The following ADAMTSL3 variants were observed in gnomAD, a reference collection of about 807,000 sequenced individuals.
ADAMTSL3 encodes the protein ADAMTS like 3, also known as ADAMTS-like protein 3.
In ADAMTSL3, 128 loss-of-function variants were observed where a neutral mutation model predicts 201.7. The ratio of observed to expected loss-of-function variants is 0.63; its 90% CI spans 0.55 to 0.73. The LOEUF is 0.73. ADAMTSL3 is among the 30% of genes least tolerant of loss of function. The pLI is 0.00. For synonymous variants in ADAMTSL3, 738 were observed against 748.4 expected (o/e 0.99, Z 0.23); for missense variants, 1,990 against 2,119.6 (o/e 0.94, Z 1.20).
chr15:83,870,459 T>A (rs974269885), intron 8 of ADAMTSL3, among the ~76,000 whole-genome samples: 6 of 152,204 alleles, frequency 3.9e-5, no homozygotes, highest in African/African-American at 1.4e-4. Context: ...TAAGATCTTT[T>A]GAACAAGTAA....
Position 83,816,236 on chromosome 15 carries a change from C to T in ADAMTSL3, c.364-3575C>T, listed in dbSNP as rs150096516. 8.1e-3 allele frequency among the ~76,000 whole-genome samples: 1,234 copies of T among 152,292 alleles called. 18 individuals carry two copies. Among genetic ancestry groups the T allele is most frequent in the African/African-American group, 0.028 (1,159 of 41,560 alleles). On this transcript the variant is annotated intron_variant, in intron 5 of 29. Transcript: ENST00000286744. ...AACATGAATCTTATAAAAGAAATGG[C>T]CAGTCCAACCCCAGATTGATATGAG...
At chr15:83,906,177 C>T (rs1222316835) in intron 15 of ADAMTSL3, among the ~76,000 whole-genome samples, 2 of 152,178 alleles carry the variant, frequency 1.3e-5, no homozygotes, top group Non-Finnish European at 2.9e-5. Context: ...TGCAAGTACT[C>T]TGTAATTGTT....
At chr15:84,030,280 G>A (rs2068379889) in intron 27 of ADAMTSL3, among the ~76,000 whole-genome samples, 2 of 152,188 alleles carry the variant, frequency 1.3e-5, no homozygotes, top group South Asian at 4.1e-4. Flanking sequence ...AAGCAGCCAG[G>A]AGTGAGGACT....
At chr15:83,795,891 G>A (rs1217438603) in intron 4 of ADAMTSL3, among the ~76,000 whole-genome samples, 1 of 152,006 alleles carries the variant, frequency 6.6e-6, no homozygotes, top group Non-Finnish European at 1.5e-5. Context: ...TGACAAACTT[G>A]CAATCCTAAA....
At chr15:83,887,180 C>T (rs1325387913) in intron 10 of ADAMTSL3, among the ~76,000 whole-genome samples, 2 of 152,178 alleles carry the variant, frequency 1.3e-5, no homozygotes, top group African/African-American at 4.8e-5. Context: ...ACACACTCCA[C>T]TTTGAGAACC....
chr15:84,012,620 T>C (rs923521658), intron 23 of ADAMTSL3, among the ~76,000 whole-genome samples: 3 of 152,188 alleles, frequency 2.0e-5, no homozygotes, highest in Non-Finnish European at 4.4e-5. Context: ...CAACCAGATA[T>C]CTCCCCATTT....
intron 6 of ADAMTSL3, among the ~76,000 whole-genome samples, chr15:83,823,514 C>G (rs1313248934): frequency 1.3e-5 from 2 of 152,158 alleles, no homozygotes; most frequent in Non-Finnish European, 2.9e-5. Flanking sequence ...TCTTTCAACC[C>G]ACACATTTGA....
intron 23 of ADAMTSL3, among the ~76,000 whole-genome samples, chr15:84,013,909 C>T (rs1421550923): frequency 6.6e-6 from 1 of 152,228 alleles, no homozygotes; most frequent in Non-Finnish European, 1.5e-5. Flanking sequence ...ATGTTCCCCT[C>T]TGTGTCCAGG....
chr15:83,708,385 G>A (rs1469094342), intron 3 of ADAMTSL3, among the ~76,000 whole-genome samples: 3 of 152,178 alleles, frequency 2.0e-5, no homozygotes, highest in Non-Finnish European at 4.4e-5. Context: ...TTCTTCAAAT[G>A]TCTCCTGGGT....
intron 16 of ADAMTSL3, among the ~76,000 whole-genome samples, chr15:83,913,908 G>C (rs1177885868): frequency 2.6e-5 from 4 of 152,194 alleles, no homozygotes; most frequent in Non-Finnish European, 4.4e-5. Flanking sequence ...GTATAGCCAG[G>C]TGACCCCTTT....
intron 2 of ADAMTSL3, among the ~76,000 whole-genome samples, chr15:83,697,677 G>A (rs1169606326): frequency 2.6e-5 from 4 of 152,166 alleles, no homozygotes; most frequent in African/African-American, 9.7e-5. Flanking sequence ...AAGTGCAGGA[G>A]TTGGGGTGTG....
chr15:84,014,165 G>A (rs1332001538), intron 23 of ADAMTSL3, among the ~76,000 whole-genome samples: 1 of 152,098 alleles, frequency 6.6e-6, no homozygotes, highest in East Asian at 1.9e-4. Flanking sequence ...TACCCCCTGG[G>A]AGTTTCTCAC....
intron 7 of ADAMTSL3, among the ~76,000 whole-genome samples, chr15:83,851,164 G>C (rs1276809476): frequency 1.3e-5 from 2 of 152,308 alleles, no homozygotes; most frequent in African/African-American, 4.8e-5. Flanking sequence ...GTATCACAGA[G>C]ACTTCTACAA....
intron 17 of ADAMTSL3, among the ~76,000 whole-genome samples, chr15:83,934,838 AT>A (rs142838521): frequency 0.037 from 5,599 of 152,322 alleles, 304 homozygotes; most frequent in African/African-American, 0.12. Flanking sequence ...AATATGGTAT[AT>A]GTACACAATG....
chr15:83,678,456 G>C (rs1241630029), intron 2 of ADAMTSL3, among the ~76,000 whole-genome samples: 20 of 151,434 alleles, frequency 1.3e-4, no homozygotes. Context: ...AACACGTTGT[G>C]CTACTGCCTT....
At position 83,753,672 on chromosome 15, in the gene ADAMTSL3, T is replaced by C. The variant is rs1377202296; in HGVS notation, c.190-19851T>C. Among the ~76,000 whole-genome samples the C allele has an allele frequency of 3.3e-5, 5 of 152,272 alleles. No homozygotes were observed. In the East Asian group the frequency reaches 5.8e-4, roughly 18 times the overall value. ...CTTGAAAAACTGTGCTTTTTTTTTT[T>C]CTTGGAAAGAGAAGCCTACTGTAGA... On this transcript the variant is annotated intron_variant, in intron 3 of 29. Coordinates refer to ENST00000286744, the MANE Select transcript of ADAMTSL3 (RefSeq NM_207517.3).
At chr15:83,733,654 C>G (rs1343624493) in intron 3 of ADAMTSL3, among the ~76,000 whole-genome samples, 1 of 152,066 alleles carries the variant, frequency 6.6e-6, no homozygotes, top group Non-Finnish European at 1.5e-5. Context: ...ACCGTACTTG[C>G]TAATCTTTGA....
chr15:83,755,328 T>C (rs1258446133), intron 3 of ADAMTSL3, among the ~76,000 whole-genome samples: 1 of 152,206 alleles, frequency 6.6e-6, no homozygotes, highest in East Asian at 1.9e-4. Context: ...TACATTCACA[T>C]TGTTGTGCAA....
chr15:83,728,885 C>A (rs2062222888), intron 3 of ADAMTSL3, among the ~76,000 whole-genome samples: 1 of 151,988 alleles, frequency 6.6e-6, no homozygotes, highest in Admixed American at 6.6e-5. Flanking sequence ...TCATTAAAGT[C>A]TTTTTCTTTC....
Sources: gnomAD v4.1 joint callset for allele counts (sites outside exome capture counted in the v4.1 genomes callset) on GRCh38, gnomAD v4.1.1 for gene constraint, MANE v1.5 for transcripts, NCBI Gene and HGNC (gene_info 2026-07-23, HGNC 2026-07-21) for gene names.